The following MGAT4A variants were observed in gnomAD, a reference collection of about 807,000 sequenced individuals.
MGAT4A encodes alpha-1,3-mannosyl-glycoprotein 4-beta-N-acetylglucosaminyltransferase A.
A neutral mutation model predicts 74.1 loss-of-function variants in MGAT4A; 33 were observed. That is an observed-to-expected ratio of 0.45 (90% CI 0.34 to 0.60). MGAT4A has a LOEUF of 0.60. Ranked by LOEUF, MGAT4A falls within the 20% of genes least tolerant of loss-of-function variation. The probability of loss-of-function intolerance (pLI) is 0.02; values close to 1 mark genes in which losing one functional copy is unlikely to be tolerated. For missense variants in MGAT4A, 479 were observed against 628.3 expected (o/e 0.76, Z 2.54); for synonymous variants, 198 against 210.4 (o/e 0.94, Z 0.51).
At chr2:98,730,219 T>C (rs1702826999) in intron 1 of MGAT4A, 1 of 152,234 alleles carries the variant, frequency 6.6e-6, no homozygotes, top group Admixed American at 6.5e-5. Context: ...TATTTTCCAA[T>C]GCGGAATGTA....
chr2:98,680,578 G>A (rs1702045382), intron 2 of MGAT4A, among the ~76,000 whole-genome samples: 1 of 152,152 alleles, frequency 6.6e-6, no homozygotes, highest in African/African-American at 2.4e-5. Context: ...AAGCATGTAT[G>A]TCACCGTATT....
chr2:98,677,076 A>G (rs1701984475), intron 3 of MGAT4A, among the ~76,000 whole-genome samples: 1 of 152,222 alleles, frequency 6.6e-6, no homozygotes, highest in Admixed American at 6.5e-5. Flanking sequence ...ATCTAGAAAA[A>G]TTATGCAAAT....
At position 98,660,208 on chromosome 2, in the gene MGAT4A, G is replaced by A. The variant is rs558520464; in HGVS notation, c.538-1944C>T. 4.1e-4 allele frequency among the ~76,000 whole-genome samples: 15 copies of A among 36,628 alleles called. No individual in the cohort carries two copies. The African/African-American group carries it at 0.01, about 25-fold the overall frequency. The allele number at this position is 36,628 out of a possible 152,430, so 24.0% of individuals were successfully genotyped here. Reference sequence around the variant, plus strand: ...AACTAGACACCAAAAATTATAAAATGTTGATGAAATAATTTGAAGAACACA... The same window carrying A: ...AACTAGACACCAAAAATTATAAAATATTGATGAAATAATTTGAAGAACACA... On this transcript the variant is annotated intron_variant, in intron 5 of 15. Coordinates refer to ENST00000393487, the MANE Select transcript of MGAT4A (RefSeq NM_012214.3).
At chr2:98,658,687 A>G (rs1701697805) in intron 5 of MGAT4A, among the ~76,000 whole-genome samples, 1 of 152,210 alleles carries the variant, frequency 6.6e-6, no homozygotes, top group South Asian at 2.1e-4. Flanking sequence ...CTGAGTTTCA[A>G]CCTATTCTAT....
At chr2:98,668,637 C>T (rs760080010) in intron 4 of MGAT4A, among the ~76,000 whole-genome samples, 13 of 152,186 alleles carry the variant, frequency 8.5e-5, no homozygotes, top group South Asian at 4.1e-4. Context: ...AGAGGACCAC[C>T]GTCCTCCAGA....
chr2:98,671,624 CTT>C (rs1412162127), intron 4 of MGAT4A, among the ~76,000 whole-genome samples: 1 of 152,088 alleles, frequency 6.6e-6, no homozygotes, highest in African/African-American at 2.4e-5. Context: ...CTGGAATATT[CTT>C]TTTTTCCCCA....
chr2:98,728,406 TAAGAC>T (rs1195993986), intron 1 of MGAT4A, among the ~76,000 whole-genome samples: 3 of 152,224 alleles, frequency 2.0e-5, no homozygotes, highest in Non-Finnish European at 4.4e-5. Flanking sequence ...CTTCTACAGT[TAAGAC>T]AAGTTAACAT....
chr2:98,695,924 GCTGGAGTCCAGTGGCACAATCTCAGCTCA>G (rs1207191056), intron 2 of MGAT4A, among the ~76,000 whole-genome samples: 1 of 149,842 alleles, frequency 6.7e-6, no homozygotes, highest in East Asian at 2.0e-4. Flanking sequence ...TGTTGCCCAG[GCTGGAGTCCAGTGGCACAATCTCAGCTCA>G]CTGCAACCTC....
At chr2:98,632,045 G>A (rs1320904148) in intron 14 of MGAT4A, among the ~76,000 whole-genome samples, 2 of 152,054 alleles carry the variant, frequency 1.3e-5, no homozygotes, top group Non-Finnish European at 2.9e-5. Flanking sequence ...GGGAGGCGGC[G>A]CTTGCAGTGA....
intron 8 of MGAT4A, among the ~76,000 whole-genome samples, chr2:98,653,917 T>C (rs1195409490): frequency 6.6e-6 from 1 of 151,998 alleles, no homozygotes; most frequent in Non-Finnish European, 1.5e-5. Context: ...AACAGAACAC[T>C]AGCAAATGGA....
chr2:98,667,138 C>T (rs1701844274), intron 4 of MGAT4A, among the ~76,000 whole-genome samples: 1 of 152,190 alleles, frequency 6.6e-6, no homozygotes, highest in African/African-American at 2.4e-5. Flanking sequence ...TGACTTGCTC[C>T]TCCTTGCCTT....
intron 2 of MGAT4A, among the ~76,000 whole-genome samples, chr2:98,687,114 G>A (rs1431648456): frequency 6.6e-6 from 1 of 152,126 alleles, no homozygotes; most frequent in African/African-American, 2.4e-5. Context: ...TAAAGTTACT[G>A]GGAGACACTT....
chr2:98,621,693 G>A lies in MGAT4A; in HGVS notation c.*3873C>T. ...AATTTGCCTACCACAAATATACACT[G>A]TTATTCACTAGAATAATCTCTCCAA... On this transcript the variant is annotated 3_prime_UTR_variant, in exon 16 of 16. Transcript: ENST00000393487. 1 of 1,381,682 alleles carries A rather than the reference G, an allele frequency of 7.2e-7. No individual in the cohort carries two copies. Among genetic ancestry groups the A allele is most frequent in the South Asian group, 1.7e-5 (1 of 59,586 alleles). The allele number at this position is 1,381,682 out of a possible 1,614,324, so 85.6% of individuals were successfully genotyped here.
At position 98,660,418 on chromosome 2, in the gene MGAT4A, G is replaced by A. The variant is rs202199984; in HGVS notation, c.538-2154C>T. Among the ~76,000 whole-genome samples the A allele has an allele frequency of 1.9e-3, 273 of 141,700 alleles. 3 individuals are homozygous for A. Among genetic ancestry groups the A allele is most frequent in the Middle Eastern group, 0.01 (3 of 290 alleles). The allele number at this position is 141,700 out of a possible 152,430, so 93.0% of individuals were successfully genotyped here. ...CACACACACACACACACACGCACGC[G>A]CACACACACACACACACACACACAC... On this transcript the variant is annotated intron_variant, in intron 5 of 15. Transcript: ENST00000393487.
At chr2:98,722,417 T>C (rs967338092) in intron 2 of MGAT4A, among the ~76,000 whole-genome samples, 10 of 152,002 alleles carry the variant, frequency 6.6e-5, no homozygotes, top group African/African-American at 1.9e-4. Context: ...TTACACTAAG[T>C]GAAAAAAGCC....
At chr2:98,634,737 A>G (rs868415004) in intron 14 of MGAT4A, among the ~76,000 whole-genome samples, 1 of 148,758 alleles carries the variant, frequency 6.7e-6, no homozygotes, top group African/African-American at 2.5e-5. Flanking sequence ...GGCTTAGGCA[A>G]CTAGATGGAT....
intron 1 of MGAT4A, 94 bp from the exon 2 acceptor site, chr2:98,726,661 A>G (rs1196664863): frequency 4.1e-5 from 12 of 293,834 alleles, no homozygotes; most frequent in Non-Finnish European, 7.5e-5. Context: ...GACTTTTGGC[A>G]GGGCTAAATT....
At chr2:98,693,116 T>C (rs533856993) in intron 2 of MGAT4A, among the ~76,000 whole-genome samples, 3 of 152,210 alleles carry the variant, frequency 2.0e-5, no homozygotes, top group African/African-American at 7.2e-5. Flanking sequence ...AAATTTCTCA[T>C]CAGAAACCAT....
chr2:98,629,588 GC>G (rs1369446113), intron 14 of MGAT4A, among the ~76,000 whole-genome samples: 2 of 152,018 alleles, frequency 1.3e-5, no homozygotes, highest in Non-Finnish European at 2.9e-5. Flanking sequence ...AAACACTCTT[GC>G]CCAGCAATTT....
Sources: allele counts gnomAD v4.1 joint callset (sites outside exome capture counted in the v4.1 genomes callset), GRCh38; gene constraint gnomAD v4.1.1; transcripts MANE v1.5; gene names NCBI Gene and HGNC (gene_info 2026-07-23, HGNC 2026-07-21).